DAB1: variants seen among roughly 807,000 people sequenced by gnomAD.
DAB1 encodes DAB adaptor protein 1.
A neutral mutation model predicts 64.6 loss-of-function variants in DAB1; 15 were observed. That is an observed-to-expected ratio of 0.23 (90% confidence interval 0.16 to 0.36). The LOEUF (loss-of-function observed/expected upper bound fraction) is 0.36, where lower values mean the gene tolerates loss of function less well. DAB1 is among the 10% of genes least tolerant of loss of function. The pLI is 1.00. For synonymous variants in DAB1, 235 were observed against 251.9 expected, an observed-to-expected ratio of 0.93 and a Z score of 0.64; for missense variants, 596 against 706.7, an observed-to-expected ratio of 0.84 and a Z score of 1.78.
intron 10 of DAB1, among the ~76,000 whole-genome samples, chr1:57,024,145 T>G (rs899730266): frequency 6.6e-6 from 1 of 152,160 alleles, no homozygotes. Context: ...TAGCAAGTGG[T>G]GCACAGACCC....
intron 4 of DAB1, among the ~76,000 whole-genome samples, chr1:58,268,294 G>A (rs906444249): frequency 6.6e-6 from 1 of 152,024 alleles, no homozygotes; most frequent in Non-Finnish European, 1.5e-5. Flanking sequence ...ATAAATTACA[G>A]TAGATATATT....
rs1237313112 is a variant in DAB1 at position 57,760,644 on chromosome 1, A to T, written n.552-110979T>A. Among the ~76,000 whole-genome samples the T allele has an allele frequency of 4.2e-3, 611 of 145,606 alleles. 2 individuals carry two copies. Among genetic ancestry groups the T allele is most frequent in the Non-Finnish European group, 5.9e-3 (391 of 66,012 alleles). On this transcript the variant is annotated intron_variant and non_coding_transcript_variant, in intron 6 of 20. Transcript: ENST00000485760. ...CTCACACACACACACACACACACAG[A>T]CACACACACACACAGACACACACAC... is the stretch of plus-strand genomic sequence containing the variant.
intron 1 of DAB1, among the ~76,000 whole-genome samples, chr1:57,335,217 A>G (rs1020167615): frequency 2.6e-5 from 4 of 152,024 alleles, no homozygotes; most frequent in Non-Finnish European, 5.9e-5. Flanking sequence ...TTTAAGGCAC[A>G]GTGTTAAAGA....
chr1:57,512,602 C>T (rs557701548), intron 7 of DAB1, among the ~76,000 whole-genome samples: 1 of 152,310 alleles, frequency 6.6e-6, no homozygotes, highest in African/African-American at 2.4e-5. Context: ...CTATTTTAAA[C>T]TGAAACATGC....
At chr1:57,047,391 G>A (rs1296052914) in intron 9 of DAB1, among the ~76,000 whole-genome samples, 1 of 152,076 alleles carries the variant, frequency 6.6e-6, no homozygotes, top group Non-Finnish European at 1.5e-5. Flanking sequence ...TTTGGAGATG[G>A]GCCCTTTAGG....
chr1:58,154,382 G>A (rs1655107256), intron 4 of DAB1, among the ~76,000 whole-genome samples: 1 of 152,156 alleles, frequency 6.6e-6, no homozygotes, highest in African/African-American at 2.4e-5. Context: ...TAGGCAGAAT[G>A]TGAGGAGCAG....
intron 4 of DAB1, among the ~76,000 whole-genome samples, chr1:58,166,628 C>T (rs1360662451): frequency 1.3e-5 from 2 of 152,004 alleles, no homozygotes; most frequent in East Asian, 3.9e-4. Flanking sequence ...CTTTCAGGGA[C>T]ACATGTTTTC....
chr1:57,172,111 A>C (rs1325267112), intron 2 of DAB1, among the ~76,000 whole-genome samples: 1 of 152,160 alleles, frequency 6.6e-6, no homozygotes, highest in African/African-American at 2.4e-5. Context: ...CTTCACATGA[A>C]GTTCTCATGA....
intron 1 of DAB1, among the ~76,000 whole-genome samples, chr1:58,545,119 C>T (rs1234419757): frequency 2.6e-5 from 4 of 152,180 alleles, no homozygotes; most frequent in Admixed American, 2.6e-4. Flanking sequence ...CCTTCCCCAA[C>T]CCTCCTTCAC....
intron 9 of DAB1, among the ~76,000 whole-genome samples, chr1:57,032,103 T>C (rs1646982938): frequency 6.6e-6 from 1 of 152,168 alleles, no homozygotes; most frequent in African/African-American, 2.4e-5. Flanking sequence ...TCCAACTAGT[T>C]CACTGCAACT....
At chr1:57,013,071 G>A (rs1342443219) in intron 12 of DAB1, among the ~76,000 whole-genome samples, 1 of 152,228 alleles carries the variant, frequency 6.6e-6, no homozygotes, top group Non-Finnish European at 1.5e-5. Context: ...TTCTCTCATA[G>A]AGTGATTAGA....
At chr1:57,000,401 T>G (rs1394988641) in intron 14 of DAB1, among the ~76,000 whole-genome samples, 1 of 152,162 alleles carries the variant, frequency 6.6e-6, no homozygotes, top group Non-Finnish European at 1.5e-5. Context: ...TGAGAGTCTG[T>G]TGAATTACTG....
chr1:57,115,761 G>A (rs1656053513), intron 4 of DAB1, among the ~76,000 whole-genome samples: 1 of 152,246 alleles, frequency 6.6e-6, no homozygotes, highest in Admixed American at 6.5e-5. Context: ...TCTTAAAGGT[G>A]AAAACACTCC....
At chr1:57,836,825 C>T (rs565511849) in intron 1 of DAB1, among the ~76,000 whole-genome samples, 6 of 152,300 alleles carry the variant, frequency 3.9e-5, no homozygotes, top group East Asian at 3.9e-4. Context: ...AAAGAAAAGC[C>T]GAAATATGCC....
intron 3 of DAB1, among the ~76,000 whole-genome samples, chr1:58,433,494 C>A (rs890151409): frequency 6.6e-6 from 1 of 151,630 alleles, no homozygotes; most frequent in African/African-American, 2.4e-5. Flanking sequence ...GAAGATGACA[C>A]CAGCTTCTGG....
At chr1:57,242,764 AT>A (rs934233855) in intron 2 of DAB1, among the ~76,000 whole-genome samples, 29 of 152,302 alleles carry the variant, frequency 1.9e-4, no homozygotes, top group African/African-American at 6.5e-4. Flanking sequence ...TCTACTGACC[AT>A]TTTTTAAGCA....
At chr1:57,632,753 G>A (rs914390369) in intron 7 of DAB1, among the ~76,000 whole-genome samples, 1 of 152,218 alleles carries the variant, frequency 6.6e-6, no homozygotes, top group Non-Finnish European at 1.5e-5. Context: ...GTGTTATTTA[G>A]AATGGAGTAA....
intron 6 of DAB1, among the ~76,000 whole-genome samples, chr1:57,792,909 C>T (rs1037510738): frequency 6.6e-6 from 1 of 152,182 alleles, no homozygotes; most frequent in Non-Finnish European, 1.5e-5. Flanking sequence ...GAACCATTAA[C>T]CCTGTGATCT....
intron 1 of DAB1, chr1:58,530,562 A>G: frequency 1.2e-6 from 1 of 838,454 alleles, no homozygotes; most frequent in African/African-American, 1.7e-5. Context: ...TATCTTCACC[A>G]GAGGCTATGA....
Sources: allele counts gnomAD v4.1 joint callset (sites outside exome capture counted in the v4.1 genomes callset), GRCh38; gene constraint gnomAD v4.1.1; transcripts MANE v1.5; gene names NCBI Gene and HGNC (gene_info 2026-07-23, HGNC 2026-07-21).